NHS: variants seen among roughly 807,000 people sequenced by gnomAD.
NHS encodes actin remodeling regulator NHS.
A neutral mutation model predicts 72.5 loss-of-function variants in NHS; 5 were observed. The ratio of observed to expected loss-of-function variants is 0.07; its 90% CI spans 0.04 to 0.14. The LOEUF (loss-of-function observed/expected upper bound fraction) is 0.14, where lower values mean the gene tolerates loss of function less well. Among genes scored for constraint, NHS ranks in the 10% least tolerant of loss-of-function variants. NHS has a pLI of 1.00. For missense variants in NHS, 1,072 were observed against 1,355.7 expected (o/e 0.79, Z 3.29); for synonymous variants, 464 against 547.7 (o/e 0.85, Z 2.13).
At chrX:17,438,878 C>A (rs1569254601) in intron 1 of NHS, among the ~76,000 whole-genome samples, 1 of 110,151 alleles carries the variant, frequency 9.1e-6, no homozygotes, top group Non-Finnish European at 1.9e-5. Context: ...AAATGAGGCA[C>A]TGGATACCAT....
intron 1 of NHS, among the ~76,000 whole-genome samples, chrX:17,567,232 G>A (rs2065448892): frequency 8.9e-6 from 1 of 111,888 alleles, no homozygotes; most frequent in Non-Finnish European, 1.9e-5. Flanking sequence ...TTGTGTGCTG[G>A]GTGCTTGAAG....
At chrX:17,710,498 A>G (rs1215226931) in intron 3 of NHS, among the ~76,000 whole-genome samples, 2 of 112,829 alleles carry the variant, frequency 1.8e-5, no homozygotes, top group Non-Finnish European at 3.7e-5. Context: ...GATGGATTGC[A>G]AAGGCATTAT....
At chrX:17,621,928 A>G (rs762801041) in intron 1 of NHS, among the ~76,000 whole-genome samples, 4 of 111,580 alleles carry the variant, frequency 3.6e-5, no homozygotes, top group Non-Finnish European at 7.5e-5. Context: ...TTCTAATTCT[A>G]AGTTGTCCCA....
intron 1 of NHS, among the ~76,000 whole-genome samples, chrX:17,593,515 C>T (rs762494037): frequency 1.1e-4 from 12 of 110,646 alleles, no homozygotes; most frequent in Non-Finnish European, 1.7e-4. Context: ...GGGTCTCTTT[C>T]AGGCTGCAGC....
intron 1 of NHS, among the ~76,000 whole-genome samples, chrX:17,659,757 C>G (rs1042887493): frequency 8.9e-6 from 1 of 112,169 alleles, no homozygotes; most frequent in Non-Finnish European, 1.9e-5. Context: ...CTAATCTATG[C>G]CCTGCACACA....
At chrX:17,667,867 A>AG (rs1284318298) in intron 1 of NHS, among the ~76,000 whole-genome samples, 1 of 110,501 alleles carries the variant, frequency 9.0e-6, no homozygotes, top group African/African-American at 3.3e-5. Context: ...AGCTTCCCTA[A>AG]GCGGGGTCAT....
intron 1 of NHS, among the ~76,000 whole-genome samples, chrX:17,640,557 C>A (rs1018226805): frequency 8.9e-6 from 1 of 111,981 alleles, no homozygotes; most frequent in African/African-American, 3.3e-5. Context: ...CTGAGGCCTC[C>A]CAGGAATGTT....
At chrX:17,576,391 C>T (rs2065511121) in intron 1 of NHS, among the ~76,000 whole-genome samples, 1 of 111,547 alleles carries the variant, frequency 9.0e-6, no homozygotes, top group African/African-American at 3.3e-5. Context: ...TTGAATTTTT[C>T]TCAGGAAGAC....
At chrX:17,561,570 G>A (rs200523170) in intron 1 of NHS, among the ~76,000 whole-genome samples, 2,529 of 62,788 alleles carry the variant, frequency 0.04, 127 homozygotes, top group African/African-American at 0.14. Context: ...GCGCGCGCGC[G>A]CGCGCACACA....
intron 2 of NHS, among the ~76,000 whole-genome samples, chrX:17,689,026 G>A (rs1050336722): frequency 3.2e-4 from 36 of 112,057 alleles, no homozygotes; most frequent in African/African-American, 1.1e-3. Context: ...TTAAGAAATG[G>A]CATTTTGCAA....
rs142920184 is a variant in NHS, at chrX:17,453,753, A to T, written c.565+77431A>T. ...AAAGGTTTGGAACCCCTGCTCAAGG[A>T]TGTAATCCTTTGATGAACAAACTCA... is the stretch of plus-strand genomic sequence containing the variant. On this transcript the variant is annotated intron_variant, in intron 1 of 8. Coordinates refer to ENST00000676302, the MANE Select transcript of NHS (RefSeq NM_001291867.2). Among the ~76,000 whole-genome samples the T allele has an allele frequency of 6.5e-3, 728 of 112,266 alleles. 7 individuals carry two copies. The highest frequency in any genetic ancestry group is 0.022 in the African/African-American group (684 of 30,905).
At position 17,690,391 on chromosome X, in the gene NHS, G is replaced by T. The variant is rs191264330; in HGVS notation, c.719-1944G>T. On this transcript the variant is annotated intron_variant, in intron 2 of 8. Transcript: ENST00000676302. ...TGTAGGTTCTCTATTTGGACAGCTGGAATAGCCTTGCTTCCACCATGAGGG... is the reference window on the plus strand; with the variant it reads ...TGTAGGTTCTCTATTTGGACAGCTGTAATAGCCTTGCTTCCACCATGAGGG... 2.3e-3 allele frequency among the ~76,000 whole-genome samples: 254 copies of T among 112,292 alleles called. 1 individual carries two copies. Among genetic ancestry groups the T allele is most frequent in the Non-Finnish European group, 3.7e-3 (195 of 53,268 alleles).
At chrX:17,678,364 C>G (rs1297040134) in intron 1 of NHS, among the ~76,000 whole-genome samples, 1 of 108,592 alleles carries the variant, frequency 9.2e-6, no homozygotes, top group Non-Finnish European at 1.9e-5. Flanking sequence ...ATACCTGAGA[C>G]TGGGTAATTT....
chrX:17,728,689 T>C lies in NHS; in HGVS notation c.4263T>C (p.Ser1421=), dbSNP rs915744555. 122 of 1,207,948 alleles carry C rather than the reference T, an allele frequency of 1.0e-4. No homozygotes were observed. The highest frequency in any genetic ancestry group is 1.3e-4 in the Non-Finnish European group (117 of 894,202). Residue 1421 remains serine, a synonymous_variant, in exon 8 of 9, where the codon AGT becomes AGC. Coordinates refer to ENST00000676302, the MANE Select transcript of NHS (RefSeq NM_001291867.2). ...ATGACTCCATCATTTCACCACTTAG[T>C]GAAGACTCCCAAGCTGAAGCAGAGG... ...PSDDSIISPL[S]EDSQAEAEGV... is the part of the protein sequence containing the mutation.
At chrX:17,492,706 G>A (rs1174924903) in intron 1 of NHS, among the ~76,000 whole-genome samples, 1 of 111,556 alleles carries the variant, frequency 9.0e-6, no homozygotes, top group Non-Finnish European at 1.9e-5. Context: ...TTTCTGTCTC[G>A]TTGATCTGTC....
chrX:17,622,959 G>A (rs1374689956), intron 1 of NHS, among the ~76,000 whole-genome samples: 1 of 110,354 alleles, frequency 9.1e-6, no homozygotes, highest in Non-Finnish European at 1.9e-5. Context: ...ATGGGTTCTT[G>A]CTCAGTCACC....
At chrX:17,486,123 AG>A (rs2064966623) in intron 1 of NHS, among the ~76,000 whole-genome samples, 1 of 112,213 alleles carries the variant, frequency 8.9e-6, no homozygotes, top group African/African-American at 3.2e-5. Context: ...TGCATGTAGT[AG>A]GTGCTCAGTA....
intron 1 of NHS, among the ~76,000 whole-genome samples, chrX:17,605,154 C>T (rs2147052599): frequency 1.8e-5 from 2 of 112,214 alleles, no homozygotes; most frequent in Admixed American, 9.4e-5. Flanking sequence ...GCCTCAAGTA[C>T]TTTGTTATTA....
chrX:17,613,215 A>G (rs908111742), intron 1 of NHS, among the ~76,000 whole-genome samples: 6 of 110,775 alleles, frequency 5.4e-5, no homozygotes, highest in African/African-American at 2.0e-4. Flanking sequence ...TGTACTAAAA[A>G]TACAAAAATT....
Sources: allele counts gnomAD v4.1 joint callset (sites outside exome capture counted in the v4.1 genomes callset), GRCh38; gene constraint gnomAD v4.1.1; transcripts MANE v1.5; gene names NCBI Gene and HGNC (gene_info 2026-07-23, HGNC 2026-07-21).